The following CFAP221 variants were observed in gnomAD, a reference collection of about 807,000 sequenced individuals.
The protein encoded by CFAP221 is cilia and flagella associated protein 221.
Under a neutral mutation model 113.1 loss-of-function variants are expected in CFAP221, and 97 were observed. That is an observed-to-expected ratio of 0.86 (90% CI 0.73 to 1.02). The LOEUF is 1.02. CFAP221 is among the 50% of genes least tolerant of loss of function. CFAP221 has a pLI of 0.00. For missense variants in CFAP221, 1,025 were observed against 1,013.4 expected (o/e 1.01, Z -0.16); for synonymous variants, 331 against 354.4 (o/e 0.93, Z 0.74).
At chr2:119,608,700 A>G (rs1402045125) in intron 12 of CFAP221, 111 bp downstream of exon 12, 1 of 847,120 alleles carries the variant, frequency 1.2e-6, no homozygotes, top group African/African-American at 1.7e-5. Context: ...GGGAGTGGGA[A>G]AGGCTGACGA....
At chr2:119,600,085 A>C (rs540798720) in intron 7 of CFAP221, among the ~76,000 whole-genome samples, 5 of 152,172 alleles carry the variant, frequency 3.3e-5, no homozygotes, top group Non-Finnish European at 5.9e-5. Context: ...TCATCTAGAA[A>C]GCAAACCTAA....
intron 13 of CFAP221, among the ~76,000 whole-genome samples, chr2:119,612,672 A>G (rs1349538476): frequency 6.6e-6 from 1 of 152,126 alleles, no homozygotes; most frequent in Non-Finnish European, 1.5e-5. Context: ...TTAAAACACA[A>G]TCATGCCCTT....
At position 119,604,758 on chromosome 2, in the gene CFAP221, G is replaced by T. The variant is rs755888501; in HGVS notation, c.878G>T (p.Arg293Leu). Residue 293 changes from arginine (R) to leucine (L), a missense_variant, in exon 9 of 24, where the codon CGA (arginine) becomes CTA (leucine). Transcript: ENST00000413369. ...GCAATGATGCATATAAATTTTCACC[G>T]ACCGCCAGCGAAGCCGAAGCCTCAG... ...EKAMMHINFH[R>L]PPAKPKPQKV... 2 of 1,542,454 alleles carry T rather than the reference G, an allele frequency of 1.3e-6. No homozygotes were observed. The highest frequency in any genetic ancestry group is 1.7e-6 in the Non-Finnish European group (2 of 1,148,658).
intron 6 of CFAP221, among the ~76,000 whole-genome samples, chr2:119,568,494 C>T (rs1681802891): frequency 6.6e-6 from 1 of 152,076 alleles, no homozygotes; most frequent in Non-Finnish European, 1.5e-5. Flanking sequence ...TCCCCGTGCC[C>T]CCCACCTCCC....
In CFAP221 at chr2:119,639,073, C is replaced by T. The variant is rs911093847; in HGVS notation, c.2133+656C>T. ...CCCCATTCCCCTCATCTAACCACCC[C>T]GGGGGGGTGGGGGGGCGGGCACCGG... On this transcript the variant is annotated intron_variant, in intron 20 of 23. Coordinates refer to ENST00000413369, the MANE Select transcript of CFAP221 (RefSeq NM_001271049.2). 1.0e-3 allele frequency among the ~76,000 whole-genome samples: 151 copies of T among 148,692 alleles called. 6 individuals are homozygous for T. The highest frequency in any genetic ancestry group is 9.9e-3 in the Admixed American group (148 of 14,914).
intron 20 of CFAP221, 85 bp downstream of exon 20, chr2:119,638,502 T>C: frequency 6.5e-7 from 1 of 1,532,378 alleles, no homozygotes; most frequent in Non-Finnish European, 9.0e-7. Context: ...CAGCTGGAAT[T>C]GCGACAAAGG....
At chr2:119,556,466 T>A (rs1680807006) in intron 3 of CFAP221, among the ~76,000 whole-genome samples, 1 of 152,194 alleles carries the variant, frequency 6.6e-6, no homozygotes, top group Admixed American at 6.5e-5. Context: ...TATAGTCAAA[T>A]AATGTATCTT....
chr2:119,546,000 A>T (rs1048468612), intron 1 of CFAP221, 85 bp from the exon 2 acceptor site: 1 of 1,006,310 alleles, frequency 9.9e-7, no homozygotes, highest in African/African-American at 1.6e-5. Flanking sequence ...TAAACCACAC[A>T]GAGACGAGGT....
chr2:119,608,624 C>A (rs762744970), intron 12 of CFAP221, 35 bp downstream of exon 12: 4 of 1,551,102 alleles, frequency 2.6e-6, no homozygotes, highest in Non-Finnish European at 2.7e-6. Context: ...TCATTTGTTT[C>A]GCTAGATGTT....
At chr2:119,575,317 C>T (rs1465216031) in intron 6 of CFAP221, among the ~76,000 whole-genome samples, 1 of 152,152 alleles carries the variant, frequency 6.6e-6, no homozygotes, top group Non-Finnish European at 1.5e-5. Flanking sequence ...GCCGTGTTCT[C>T]GGGCCCCAGC....
At chr2:119,621,745 C>T (rs1490548465) in intron 14 of CFAP221, among the ~76,000 whole-genome samples, 1 of 152,114 alleles carries the variant, frequency 6.6e-6, no homozygotes, top group Non-Finnish European at 1.5e-5. Flanking sequence ...CACTCAAAAC[C>T]GCACAACTAC....
chr2:119,550,212 G>A (rs964681998), intron 3 of CFAP221, among the ~76,000 whole-genome samples: 5 of 152,108 alleles, frequency 3.3e-5, no homozygotes, highest in African/African-American at 1.2e-4. Context: ...ACTTTTAGAT[G>A]TACGCATTCT....
intron 14 of CFAP221, among the ~76,000 whole-genome samples, chr2:119,616,816 G>A (rs1052328799): frequency 6.6e-6 from 1 of 152,228 alleles, no homozygotes; most frequent in African/African-American, 2.4e-5. Flanking sequence ...ACAAGAGGCC[G>A]TCCTTGTGCA....
chr2:119,636,090 C>T (rs538107678), intron 19 of CFAP221, among the ~76,000 whole-genome samples: 6 of 152,196 alleles, frequency 3.9e-5, no homozygotes, highest in East Asian at 1.9e-4. Flanking sequence ...TCTTCTCTAA[C>T]GGTGGCCCAG....
chr2:119,588,896 G>T (rs1683396945), intron 7 of CFAP221, among the ~76,000 whole-genome samples: 1 of 152,272 alleles, frequency 6.6e-6, no homozygotes, highest in African/African-American at 2.4e-5. Context: ...TGTGGATAGA[G>T]AAGTGGACCG....
chr2:119,551,351 A>G (rs1680409610), intron 3 of CFAP221, among the ~76,000 whole-genome samples: 1 of 152,238 alleles, frequency 6.6e-6, no homozygotes, highest in Admixed American at 6.5e-5. Flanking sequence ...AACAACTAAC[A>G]AAGTCATAAA....
At position 119,600,329 on chromosome 2, in the gene CFAP221, A is replaced by G. The variant is rs529751168; in HGVS notation, c.632-889A>G. Among the ~76,000 whole-genome samples, 86 of 152,362 alleles carry G rather than the reference A, an allele frequency of 5.6e-4. No homozygotes were observed. In the South Asian group the frequency reaches 0.016, roughly 29 times the overall value. On this transcript the variant is annotated intron_variant, in intron 7 of 23. Coordinates refer to ENST00000413369, the MANE Select transcript of CFAP221 (RefSeq NM_001271049.2). Reference sequence around the variant, plus strand: ...AACAGTCCATCCTAAAGATTTGAAAAGAAAGAATCAAATTATACAAAGAAA... The same window carrying G: ...AACAGTCCATCCTAAAGATTTGAAAGGAAAGAATCAAATTATACAAAGAAA...
At chr2:119,655,766 G>T (rs564708249) in intron 23 of CFAP221, among the ~76,000 whole-genome samples, 1 of 151,024 alleles carries the variant, frequency 6.6e-6, no homozygotes, top group Non-Finnish European at 1.5e-5. Context: ...CCATCTCTCC[G>T]CCCTTTGTCT....
At chr2:119,598,316 A>G (rs891503684) in intron 7 of CFAP221, among the ~76,000 whole-genome samples, 1 of 152,200 alleles carries the variant, frequency 6.6e-6, no homozygotes, top group Non-Finnish European at 1.5e-5. Context: ...CATGCTTTAT[A>G]TAATTGTAGT....
Sources: gnomAD v4.1 joint callset for allele counts (sites outside exome capture counted in the v4.1 genomes callset) on GRCh38, gnomAD v4.1.1 for gene constraint, MANE v1.5 for transcripts, NCBI Gene and HGNC (gene_info 2026-07-23, HGNC 2026-07-21) for gene names.